The following ABLIM1 variants were observed in gnomAD, a reference collection of about 807,000 sequenced individuals.
ABLIM1 encodes the protein actin binding LIM protein 1.
ABLIM1 carries 40 observed loss-of-function variants against 107.0 expected under a neutral mutation model. That is an observed-to-expected ratio of 0.37 (90% CI 0.29 to 0.49). The LOEUF (loss-of-function observed/expected upper bound fraction) is 0.49, where lower values mean the gene tolerates loss of function less well. Ranked by LOEUF, ABLIM1 falls within the 20% of genes least tolerant of loss-of-function variation. The pLI, the probability that ABLIM1 is intolerant of heterozygous loss-of-function variation, is 0.97. For synonymous variants in ABLIM1, 357 were observed against 357.3 expected (o/e 1.00, Z 0.01); for missense variants, 857 against 1,008.5 (o/e 0.85, Z 2.04).
intron 1 of ABLIM1, chr10:114,632,584 C>T: frequency 1.0e-6 from 1 of 985,352 alleles, no homozygotes; most frequent in Non-Finnish European, 1.2e-6. Context: ...CGGCTGCTCC[C>T]CGCTATAATT....
At chr10:114,636,004 GAAGA>G (rs1055584494) in intron 1 of ABLIM1, among the ~76,000 whole-genome samples, 1 of 152,254 alleles carries the variant, frequency 6.6e-6, no homozygotes, top group Admixed American at 6.5e-5. Context: ...ACAAAAGCAA[GAAGA>G]GAGAAACCAC....
At chr10:114,439,941 G>T in intron 20 of ABLIM1, 141 bp downstream of exon 20, 1 of 1,428,724 alleles carries the variant, frequency 7.0e-7, no homozygotes, top group Non-Finnish European at 9.5e-7. Flanking sequence ...TGCTCTTCAC[G>T]GCTATAGAGT....
At chr10:114,796,167 C>T in the ABLIM1 span, among the ~76,000 whole-genome samples, 3 of 152,150 alleles carry the variant, frequency 2.0e-5, no homozygotes, top group Admixed American at 6.6e-5. Flanking sequence ...TCTATTGCTG[C>T]TTAACAAATT....
the ABLIM1 span, among the ~76,000 whole-genome samples, chr10:114,782,194 TCTGATTTAACATATA>T: frequency 6.6e-6 from 1 of 152,094 alleles, no homozygotes; most frequent in Non-Finnish European, 1.5e-5. Flanking sequence ...CAAAAAAAAT[TCTGATTTAACATATA>T]CCCTGCACCA....
chr10:114,628,270 G>C (rs1305903809), intron 1 of ABLIM1, among the ~76,000 whole-genome samples: 1 of 152,236 alleles, frequency 6.6e-6, no homozygotes, highest in African/African-American at 2.4e-5. Flanking sequence ...GAGCAATCCT[G>C]CTCGCCAAAG....
chr10:114,458,221 C>T (rs143413786), intron 12 of ABLIM1, among the ~76,000 whole-genome samples: 38 of 152,172 alleles, frequency 2.5e-4, no homozygotes, highest in African/African-American at 8.0e-4. Context: ...GTGTTCTCAT[C>T]TATTGTAGTG....
intron 1 of ABLIM1, among the ~76,000 whole-genome samples, chr10:114,621,238 A>G (rs117990623): frequency 0.015 from 2,356 of 152,182 alleles, 25 homozygotes; most frequent in Non-Finnish European, 0.024. Flanking sequence ...GCAGTCCCAT[A>G]TTACTTTCAT....
chr10:114,466,575 G>A (rs572203441), intron 11 of ABLIM1, among the ~76,000 whole-genome samples: 12 of 152,170 alleles, frequency 7.9e-5, no homozygotes, highest in Middle Eastern at 3.4e-3. Context: ...AGCCTGCTTC[G>A]GAACCAGACT....
chr10:114,674,685 G>C (rs1338733159), intron 1 of ABLIM1, among the ~76,000 whole-genome samples: 3 of 151,640 alleles, frequency 2.0e-5, no homozygotes, highest in African/African-American at 7.3e-5. Context: ...CAAAAGATCT[G>C]AGCTATCTTA....
At chr10:114,630,275 C>T (rs1242278679) in intron 1 of ABLIM1, among the ~76,000 whole-genome samples, 1 of 152,152 alleles carries the variant, frequency 6.6e-6, no homozygotes, top group African/African-American at 2.4e-5. Context: ...AAACTCAAAT[C>T]CATTAGCAAC....
intron 4 of ABLIM1, among the ~76,000 whole-genome samples, chr10:114,553,138 T>C (rs190738519): frequency 1.3e-5 from 2 of 152,320 alleles, no homozygotes; most frequent in Admixed American, 1.3e-4. Context: ...AAAGATGTCT[T>C]ACTCTGTGAA....
chr10:114,484,101 C>T (rs562362481), intron 8 of ABLIM1, among the ~76,000 whole-genome samples: 103 of 152,262 alleles, frequency 6.8e-4, no homozygotes, highest in African/African-American at 2.4e-3. Flanking sequence ...CTGCTTCTTT[C>T]GGGTTTTTCT....
intron 1 of ABLIM1, among the ~76,000 whole-genome samples, chr10:114,720,091 T>C (rs972977401): frequency 2.0e-5 from 3 of 152,174 alleles, no homozygotes; most frequent in African/African-American, 7.2e-5. Context: ...CTCTCATTTT[T>C]CAGCTCCCAT....
At chr10:114,704,335 T>TATATCTATCTCACG (rs3061769) in intron 1 of ABLIM1, among the ~76,000 whole-genome samples, 3 of 83,388 alleles carry the variant, frequency 3.6e-5, no homozygotes, top group Non-Finnish European at 7.6e-5. Flanking sequence ...TATATATATA[T>TATATCTATCTCACG]TGCGCGCGTT....
At chr10:114,497,636 C>A (rs887573209) in intron 6 of ABLIM1, among the ~76,000 whole-genome samples, 4 of 131,696 alleles carry the variant, frequency 3.0e-5, no homozygotes, top group African/African-American at 5.8e-5. Context: ...AAGCCGAGAT[C>A]GCACCACTGC....
intron 1 of ABLIM1, among the ~76,000 whole-genome samples, chr10:114,618,630 GC>G (rs2077277137): frequency 6.6e-6 from 1 of 152,154 alleles, no homozygotes; most frequent in African/African-American, 2.4e-5. Context: ...AGAGGGTGCT[GC>G]CCCCAACTCA....
the ABLIM1 span, among the ~76,000 whole-genome samples, chr10:114,792,112 G>C: frequency 1.4e-4 from 21 of 152,200 alleles, no homozygotes; most frequent in Admixed American, 3.9e-4. Flanking sequence ...CTTGAGTTCA[G>C]GAGTTCAAGA....
At chr10:114,468,363 C>T (rs899871501) in intron 10 of ABLIM1, 147 bp from the exon 11 acceptor site, 6 of 679,482 alleles carry the variant, frequency 8.8e-6, no homozygotes, top group Middle Eastern at 4.1e-4. Context: ...CAATCTCCGC[C>T]TCCCAGGTTC....
chr10:114,762,433 A>T (rs916400136), intron 1 of ABLIM1, among the ~76,000 whole-genome samples: 2 of 152,224 alleles, frequency 1.3e-5, no homozygotes, highest in Non-Finnish European at 2.9e-5. Flanking sequence ...GCTGGCATGT[A>T]ACAATTATTC....
Sources: allele counts gnomAD v4.1 joint callset (sites outside exome capture counted in the v4.1 genomes callset), GRCh38; gene constraint gnomAD v4.1.1; transcripts MANE v1.5; gene names NCBI Gene and HGNC (gene_info 2026-07-23, HGNC 2026-07-21).